Variants in STK3 observed in about 807,000 individuals in gnomAD.
The protein encoded by STK3 is serine/threonine-protein kinase 3.
A neutral mutation model predicts 58.0 loss-of-function variants in STK3; 41 were observed. The ratio of observed to expected loss-of-function variants is 0.71; its 90% confidence interval spans 0.55 to 0.92. STK3 has a LOEUF of 0.92. STK3 is among the 40% of genes least tolerant of loss of function. The probability of loss-of-function intolerance (pLI) is 0.00; values close to 1 mark genes in which losing one functional copy is unlikely to be tolerated. For missense variants in STK3, 479 were observed against 602.7 expected, an observed-to-expected ratio of 0.79 and a Z score of 2.15; for synonymous variants, 170 against 191.0, an observed-to-expected ratio of 0.89 and a Z score of 0.91.
At chr8:98,862,383 C>T (rs1430508527) in intron 3 of STK3, among the ~76,000 whole-genome samples, 1 of 152,162 alleles carries the variant, frequency 6.6e-6, no homozygotes, top group Non-Finnish European at 1.5e-5. Context: ...CTAGCAACCC[C>T]ACTTGCAAGA....
intron 8 of STK3, among the ~76,000 whole-genome samples, chr8:98,564,657 G>T (rs889380981): frequency 2.0e-5 from 3 of 152,120 alleles, no homozygotes; most frequent in African/African-American, 7.2e-5. Context: ...AATGCATGAG[G>T]TGATGGAAAT....
At chr8:98,550,567 G>A (rs899424891) in intron 8 of STK3, among the ~76,000 whole-genome samples, 1 of 151,926 alleles carries the variant, frequency 6.6e-6, no homozygotes, top group Non-Finnish European at 1.5e-5. Flanking sequence ...CCCTATATAT[G>A]CATCAGTCAA....
chr8:98,753,987 ATACTC>A (rs1368592033), intron 3 of STK3, among the ~76,000 whole-genome samples: 1 of 152,194 alleles, frequency 6.6e-6, no homozygotes, highest in African/African-American at 2.4e-5. Context: ...TTAAACAAAA[ATACTC>A]TAACAGCTCT....
At chr8:98,763,357 A>G (rs1424002462) in intron 3 of STK3, among the ~76,000 whole-genome samples, 1 of 152,244 alleles carries the variant, frequency 6.6e-6, no homozygotes, top group African/African-American at 2.4e-5. Context: ...TATTCAGCCC[A>G]TTATTAAATA....
At chr8:98,689,197 T>C (rs778366217) in intron 6 of STK3, among the ~76,000 whole-genome samples, 4 of 151,996 alleles carry the variant, frequency 2.6e-5, no homozygotes, top group Non-Finnish European at 1.5e-5. Flanking sequence ...ACCTCCAAGA[T>C]TGAACTAGGA....
rs201733373 is a variant in STK3, at chr8:98,651,876, A to G, written c.684+54591T>C. Among the ~76,000 whole-genome samples, 1,349 of 152,262 alleles carry G rather than the reference A, an allele frequency of 8.9e-3. 7 individuals are homozygous for G. The highest frequency in any genetic ancestry group is 9.0e-3 in the Non-Finnish European group (610 of 68,010). ...TCTGATTGGTGTACCTGAAAGTGAC[A>G]GGGAGAATGGAACCAAGTTGGAAAA... On this transcript the variant is annotated intron_variant, in intron 6 of 10. Transcript: ENST00000419617.
chr8:98,506,128 G>A (rs1033907715), intron 10 of STK3, among the ~76,000 whole-genome samples: 1 of 152,176 alleles, frequency 6.6e-6, no homozygotes, highest in Non-Finnish European at 1.5e-5. Flanking sequence ...CCCCTGCCAG[G>A]TTGCTGCCTT....
intron 1 of STK3, among the ~76,000 whole-genome samples, chr8:98,892,146 C>T (rs1564086096): frequency 6.6e-6 from 1 of 152,166 alleles, no homozygotes; most frequent in South Asian, 2.1e-4. Flanking sequence ...TATTTCCATC[C>T]CAGTCAGAGA....
intron 7 of STK3, among the ~76,000 whole-genome samples, chr8:98,593,615 C>T (rs1815527536): frequency 6.6e-6 from 1 of 152,154 alleles, no homozygotes; most frequent in Admixed American, 6.5e-5. Flanking sequence ...TTGTGACCTG[C>T]ACATGTGAGG....
At chr8:98,903,557 C>CTTTTT (rs1200563228) in intron 1 of STK3, among the ~76,000 whole-genome samples, 1 of 9,926 alleles carries the variant, frequency 1.0e-4, no homozygotes, top group African/African-American at 3.5e-4. Context: ...CTTCTTCTTC[C>CTTTTT]TTTTTTTTTT....
chr8:98,791,437 C>T (rs535383376), intron 1 of STK3, among the ~76,000 whole-genome samples: 2 of 152,242 alleles, frequency 1.3e-5, no homozygotes, highest in East Asian at 1.9e-4. Context: ...ATCAAAATAC[C>T]ACCATCATTC....
intron 3 of STK3, among the ~76,000 whole-genome samples, chr8:98,876,417 C>A (rs1837561069): frequency 6.6e-6 from 1 of 152,158 alleles, no homozygotes; most frequent in Admixed American, 6.5e-5. Flanking sequence ...TTATCATATT[C>A]AGGAGAAATG....
At chr8:98,651,465 C>T (rs995784498) in intron 6 of STK3, 1 of 152,300 alleles carries the variant, frequency 6.6e-6, no homozygotes, top group African/African-American at 2.4e-5. Context: ...CAGCTCCTCA[C>T]CAGCAACGGA....
At chr8:98,413,823 C>T (rs1288474643) in intron 3 of STK3, 1 of 594,858 alleles carries the variant, frequency 1.7e-6, no homozygotes, top group Non-Finnish European at 3.2e-6. Context: ...CACCCACAAA[C>T]CCCTCCCAGA....
rs767684188 is a variant in STK3 at position 98,428,845 on chromosome 8, A to G, written n.483+5282T>C. On this transcript the variant is annotated intron_variant and non_coding_transcript_variant, in intron 3 of 3. Coordinates refer to the STK3 transcript ENST00000517832. The surrounding 1 kb of genome is among the most constrained non-coding windows in gnomAD (Gnocchi z 6.7). ...GTGGAGAGCACACCTACTTTAGCCA[A>G]CTTGGGCAGGGTGGCCCAGGTCCTG... 1 of 1,614,122 alleles carries G rather than the reference A, an allele frequency of 6.2e-7. No homozygotes were observed. The highest frequency in any genetic ancestry group is 8.5e-7 in the Non-Finnish European group (1 of 1,180,008).
chr8:98,392,052 A>C (rs1260173416), upstream of STK3, among the ~76,000 whole-genome samples: 1 of 152,196 alleles, frequency 6.6e-6, no homozygotes, highest in African/African-American at 2.4e-5. Context: ...ATACCTGTCT[A>C]TCTCTCCTCT....
chr8:98,628,423 G>T (rs930272260), intron 6 of STK3, among the ~76,000 whole-genome samples: 8 of 152,126 alleles, frequency 5.3e-5, no homozygotes, highest in Non-Finnish European at 1.2e-4. Flanking sequence ...GAAGCAGAAA[G>T]AATTTTATTT....
intron 6 of STK3, among the ~76,000 whole-genome samples, chr8:98,613,638 C>T (rs1587012552): frequency 6.6e-6 from 1 of 151,022 alleles, no homozygotes; most frequent in Non-Finnish European, 1.5e-5. Flanking sequence ...AAGTAACCCA[C>T]AGGAAGTAAA....
At chr8:98,932,085 T>C (rs1840023425) in intron 1 of STK3, among the ~76,000 whole-genome samples, 1 of 152,150 alleles carries the variant, frequency 6.6e-6, no homozygotes, top group Non-Finnish European at 1.5e-5. Context: ...TCACTCCTGA[T>C]GGTAACAATA....
Sources: allele counts gnomAD v4.1 joint callset (sites outside exome capture counted in the v4.1 genomes callset), GRCh38; gene constraint gnomAD v4.1.1; non-coding constraint Gnocchi (gnomAD v3.1); transcripts MANE v1.5; gene names NCBI Gene and HGNC (gene_info 2026-07-23, HGNC 2026-07-21).